Variants in PTK2 observed in about 807,000 individuals in gnomAD.
PTK2 encodes the protein focal adhesion kinase 1.
A neutral mutation model predicts 150.1 loss-of-function variants in PTK2; 45 were observed. The observed-to-expected ratio is 0.30, with a 90% CI of 0.24 to 0.38. PTK2 has a LOEUF of 0.38. Ranked by LOEUF, PTK2 falls within the 10% of genes least tolerant of loss-of-function variation. PTK2 has a pLI of 1.00. For synonymous variants in PTK2, 432 were observed against 449.2 expected (o/e 0.96, Z 0.48); for missense variants, 919 against 1,307.3 (o/e 0.70, Z 4.58).
chr8:140,826,874 C>T (rs1236118564), intron 8 of PTK2, among the ~76,000 whole-genome samples: 4 of 152,008 alleles, frequency 2.6e-5, no homozygotes, highest in East Asian at 3.9e-4. Context: ...GCCAAGATCG[C>T]GCCAATGCAC....
At chr8:140,867,504 C>T (rs1286819301) in intron 4 of PTK2, among the ~76,000 whole-genome samples, 1 of 152,132 alleles carries the variant, frequency 6.6e-6, no homozygotes, top group Non-Finnish European at 1.5e-5. Context: ...TTAACTCAAG[C>T]CTGCTTATGT....
At chr8:140,742,943 C>T (rs907763371) in intron 20 of PTK2, among the ~76,000 whole-genome samples, 4 of 152,168 alleles carry the variant, frequency 2.6e-5, no homozygotes, top group African/African-American at 7.2e-5. Flanking sequence ...GCCCTAGATG[C>T]TAAATATTTA....
chr8:140,770,327 G>C (rs1268592343), intron 14 of PTK2, among the ~76,000 whole-genome samples: 1 of 152,126 alleles, frequency 6.6e-6, no homozygotes, highest in Admixed American at 6.6e-5. Flanking sequence ...AGACAACTAG[G>C]GAGTCACTTT....
At chr8:140,788,127 G>A (rs192318606) in intron 14 of PTK2, among the ~76,000 whole-genome samples, 1 of 152,290 alleles carries the variant, frequency 6.6e-6, no homozygotes, top group East Asian at 1.9e-4. Flanking sequence ...ACTCCAAGAA[G>A]TCACGATTAA....
intron 1 of PTK2, among the ~76,000 whole-genome samples, chr8:140,939,747 T>C (rs2100174992): frequency 6.6e-6 from 1 of 152,238 alleles, no homozygotes; most frequent in South Asian, 2.1e-4. Flanking sequence ...TTATGGTAAA[T>C]CATTTCGCAA....
chr8:140,970,047 A>T (rs1274990752), intron 1 of PTK2, among the ~76,000 whole-genome samples: 1 of 152,254 alleles, frequency 6.6e-6, no homozygotes, highest in Admixed American at 6.5e-5. Context: ...TAAGACCTAG[A>T]TAGAGCAGCT....
Position 140,693,564 on chromosome 8 carries a change from T to TTAAAAAAAAAAAAAAAAAAAAA in PTK2, c.2500-6871_2500-6870insTTTTTTTTTTTTTTTTTTTTTA, listed in dbSNP as rs1181421194. Among the ~76,000 whole-genome samples the TTAAAAAAAAAAAAAAAAAAAAA allele has an allele frequency of 4.1e-5, 3 of 72,458 alleles. 1 individual carries two copies. Among genetic ancestry groups the TTAAAAAAAAAAAAAAAAAAAAA allele is most frequent in the African/African-American group, 1.8e-4 (3 of 16,620 alleles). The allele number at this position is 72,458 out of a possible 152,430, so 47.5% of individuals were successfully genotyped here. On this transcript the variant is annotated intron_variant, in intron 26 of 31. Transcript: ENST00000522684. ...CCACAGAGTGAGACTTTGTCTCAAT[T>TTAAAAAAAAAAAAAAAAAAAAA]AAAAAAAAAAAAAAAAAAAAAAAAA...
chr8:140,885,647 G>C (rs773119367), intron 3 of PTK2, among the ~76,000 whole-genome samples: 1 of 152,186 alleles, frequency 6.6e-6, no homozygotes, highest in Non-Finnish European at 1.5e-5. Context: ...GCCACATCCC[G>C]TAGGTCCTTG....
chr8:140,873,134 A>G (rs11775840), intron 4 of PTK2, among the ~76,000 whole-genome samples: 62,615 of 152,104 alleles, frequency 0.41, 15,000 homozygotes, highest in Non-Finnish European at 0.55. Flanking sequence ...AGAACTTGAA[A>G]GGGAACTGCA....
intron 1 of PTK2, among the ~76,000 whole-genome samples, chr8:140,942,667 A>G (rs2100176272): frequency 6.6e-6 from 1 of 152,084 alleles, no homozygotes; most frequent in South Asian, 2.1e-4. Flanking sequence ...TGTGTGCAAG[A>G]GTATATGGAT....
intron 14 of PTK2, among the ~76,000 whole-genome samples, chr8:140,778,276 A>G (rs998595188): frequency 3.9e-5 from 6 of 152,156 alleles, no homozygotes; most frequent in African/African-American, 1.4e-4. Flanking sequence ...GAGACCAGCT[A>G]ACATGGAGAA....
intron 2 of PTK2, among the ~76,000 whole-genome samples, chr8:140,911,851 G>A (rs534091053): frequency 2.6e-5 from 4 of 152,148 alleles, no homozygotes; most frequent in East Asian, 3.9e-4. Context: ...CTGATAAAAC[G>A]ATTACAAGGA....
chr8:140,781,536 C>A (rs1001408304), intron 14 of PTK2, among the ~76,000 whole-genome samples: 1 of 152,122 alleles, frequency 6.6e-6, no homozygotes, highest in Admixed American at 6.5e-5. Context: ...TAAGACTGAG[C>A]TGGATTTCTG....
In PTK2 at chr8:140,891,366, T is replaced by G. The variant is rs1277395942; in HGVS notation, c.-32-597A>C. On this transcript the variant is annotated intron_variant, in intron 2 of 31. Transcript: ENST00000522684. ...TTTTAAGTGCGATAAAGGACTTCTA[T>G]TTGAGTTTGAAGAAATAGCCTGCAC... is the stretch of plus-strand genomic sequence containing the variant. 6.6e-5 allele frequency among the ~76,000 whole-genome samples: 10 copies of G among 152,136 alleles called. No individual in the cohort carries two copies. The South Asian group carries it at 2.1e-3, about 32-fold the overall frequency.
intron 14 of PTK2, among the ~76,000 whole-genome samples, chr8:140,777,434 C>T (rs941983416): frequency 4.7e-4 from 71 of 152,350 alleles, no homozygotes; most frequent in African/African-American, 1.2e-3. Context: ...ACCAAAGGAA[C>T]GGCCCACGCC....
chr8:140,903,889 T>C (rs2100159780), intron 2 of PTK2, among the ~76,000 whole-genome samples: 3 of 152,218 alleles, frequency 2.0e-5, no homozygotes, highest in African/African-American at 7.2e-5. Context: ...CTTAAGGAGA[T>C]TTTGGGCTAA....
rs74916636 is a variant in PTK2 at position 140,962,502 on chromosome 8, G to A, written c.-121-36753C>T. On this transcript the variant is annotated intron_variant, in intron 1 of 31. Coordinates refer to ENST00000522684, the Ensembl canonical transcript of PTK2. ...AGGGGCCTGAGGGGCCTCCTGTATA[G>A]GACACACAGCTCGAGCATACTCTAC... 3.4e-3 allele frequency among the ~76,000 whole-genome samples: 515 copies of A among 152,228 alleles called. 4 individuals are homozygous for A. Among genetic ancestry groups the A allele is most frequent in the African/African-American group, 0.012 (500 of 41,540 alleles).
At chr8:140,684,813 A>G (rs886712009) in intron 27 of PTK2, among the ~76,000 whole-genome samples, 1 of 152,210 alleles carries the variant, frequency 6.6e-6, no homozygotes, top group East Asian at 1.9e-4. Context: ...CCCAATGGTC[A>G]TACCGCCCAA....
chr8:140,946,430 TA>T (rs2100177730), intron 1 of PTK2, among the ~76,000 whole-genome samples: 2 of 152,178 alleles, frequency 1.3e-5, no homozygotes, highest in African/African-American at 4.8e-5. Flanking sequence ...AGAAAATCCC[TA>T]CCTACCATGA....
Sources: allele counts gnomAD v4.1 joint callset (sites outside exome capture counted in the v4.1 genomes callset), GRCh38; gene constraint gnomAD v4.1.1; transcripts MANE v1.5; gene names NCBI Gene and HGNC (gene_info 2026-07-23, HGNC 2026-07-21).